IAPP: variants seen among roughly 807,000 people sequenced by gnomAD.
IAPP encodes Islet amyloid polypeptide (diabetes-associated peptide; amylin).
IAPP carries 4 observed loss-of-function variants against 2.9 expected under a neutral mutation model. The ratio of observed to expected loss-of-function variants is 1.39; its 90% confidence interval spans 0.69 to 3.19. The LOEUF (loss-of-function observed/expected upper bound fraction) is 3.19. IAPP is among the 30% of genes most tolerant of loss of function. The pLI, the probability that IAPP is intolerant of heterozygous loss-of-function variation, is 0.01. For synonymous variants in IAPP, 40 were observed against 42.1 expected (o/e 0.95, Z 0.19); for missense variants, 114 against 105.3 (o/e 1.08, Z -0.36).
chr12:21,363,402 A>G (rs1939095741), intron 1 of IAPP, among the ~76,000 whole-genome samples: 2 of 152,324 alleles, frequency 1.3e-5, no homozygotes, highest in East Asian at 1.9e-4. Flanking sequence ...AGCTGTATGT[A>G]GAGGGAAATT....
At chr12:21,370,050 A>T (rs981723097), upstream of IAPP, among the ~76,000 whole-genome samples, 4 of 152,194 alleles carry the variant, frequency 2.6e-5, no homozygotes, top group African/African-American at 7.2e-5. Context: ...AACTTAGAGA[A>T]AGCAATTAGC....
At chr12:21,377,544 A>G (rs1565522872) in intron 2 of IAPP, among the ~76,000 whole-genome samples, 1 of 152,144 alleles carries the variant, frequency 6.6e-6, no homozygotes, top group Admixed American at 6.5e-5. Flanking sequence ...TGTACACCCA[A>G]TGGTTAGTAA....
At chr12:21,355,970 A>C (rs965275265) in intron 1 of IAPP, among the ~76,000 whole-genome samples, 9 of 152,168 alleles carry the variant, frequency 5.9e-5, no homozygotes, top group African/African-American at 2.2e-4. Flanking sequence ...AGCATATCAG[A>C]TACAGATGAA....
chr12:21,362,464 A>G (rs1400649355), intron 1 of IAPP, among the ~76,000 whole-genome samples: 1 of 152,204 alleles, frequency 6.6e-6, no homozygotes, highest in Non-Finnish European at 1.5e-5. Flanking sequence ...TGTAAAGACC[A>G]TTGGTACTAG....
chr12:21,356,137 G>A (rs1233448427), intron 1 of IAPP, among the ~76,000 whole-genome samples: 2 of 152,020 alleles, frequency 1.3e-5, no homozygotes, highest in Non-Finnish European at 2.9e-5. Context: ...CTAGCGCTGT[G>A]ACTTTGAGTA....
upstream of IAPP, among the ~76,000 whole-genome samples, chr12:21,369,264 A>G (rs532332865): frequency 1.3e-5 from 2 of 152,166 alleles, no homozygotes; most frequent in East Asian, 3.9e-4. Context: ...TATTCATGTC[A>G]TTGTCAAAGC....
chr12:21,357,992 G>A (rs963169542), intron 1 of IAPP, among the ~76,000 whole-genome samples: 2 of 152,140 alleles, frequency 1.3e-5, no homozygotes, highest in Non-Finnish European at 2.9e-5. Flanking sequence ...TCAGACTTTG[G>A]TGGGTGGGTG....
At chr12:21,374,043 T>C (rs1376688720) in intron 2 of IAPP, among the ~76,000 whole-genome samples, 2 of 152,186 alleles carry the variant, frequency 1.3e-5, no homozygotes, top group Non-Finnish European at 2.9e-5. Context: ...TTATAAAAAG[T>C]TATTCTTCTT....
chr12:21,362,824 C>A (rs1157834540), intron 1 of IAPP, among the ~76,000 whole-genome samples: 4 of 152,180 alleles, frequency 2.6e-5, no homozygotes, highest in Non-Finnish European at 5.9e-5. Flanking sequence ...GTAACAGGAT[C>A]AATTCAACAA....
chr12:21,372,687 T>G (rs535287008), upstream of IAPP, among the ~76,000 whole-genome samples: 10 of 152,350 alleles, frequency 6.6e-5, no homozygotes, highest in South Asian at 1.0e-3. Flanking sequence ...CTGCTGTGTA[T>G]GACACACCAT....
chr12:21,360,385 C>T (rs7959833), intron 1 of IAPP, among the ~76,000 whole-genome samples: 7,854 of 152,270 alleles, frequency 0.052, 285 homozygotes, highest in Non-Finnish European at 0.079. Flanking sequence ...TAAGGATCAT[C>T]AGATATTTAA....
At chr12:21,361,251 G>A (rs146643669) in intron 1 of IAPP, among the ~76,000 whole-genome samples, 113 of 152,312 alleles carry the variant, frequency 7.4e-4, no homozygotes, top group African/African-American at 2.5e-3. Context: ...TTCAGCCTCC[G>A]CTGGTGATAC....
At chr12:21,368,196 AT>A (rs1283196911), upstream of IAPP, among the ~76,000 whole-genome samples, 1 of 152,154 alleles carries the variant, frequency 6.6e-6, no homozygotes, top group African/African-American at 2.4e-5. Flanking sequence ...CGTGAGACAT[AT>A]TCTTACCAAA....
chr12:21,363,910 C>A (rs1044998545), intron 1 of IAPP, among the ~76,000 whole-genome samples: 3 of 151,998 alleles, frequency 2.0e-5, no homozygotes, highest in Non-Finnish European at 4.4e-5. Context: ...AATTAATAGC[C>A]TACCAACCAA....
chr12:21,373,309 G>T, intron 1 of IAPP, 28 bp from the exon 2 acceptor site: 1 of 1,293,498 alleles, frequency 7.7e-7, no homozygotes, highest in Non-Finnish European at 1.1e-6. Context: ...GAAATCTCTT[G>T]ATTTCAGTGC....
At chr12:21,363,178 A>G (rs1165863704) in intron 1 of IAPP, among the ~76,000 whole-genome samples, 3 of 152,206 alleles carry the variant, frequency 2.0e-5, no homozygotes, top group African/African-American at 7.2e-5. Context: ...AAAAGAACAG[A>G]AATTATAACA....
chr12:21,358,806 A>C (rs2137037718), intron 1 of IAPP, among the ~76,000 whole-genome samples: 1 of 152,318 alleles, frequency 6.6e-6, no homozygotes, highest in South Asian at 2.1e-4. Context: ...CTAATACATA[A>C]GTCTAAATAC....
intron 1 of IAPP, among the ~76,000 whole-genome samples, chr12:21,363,864 G>C (rs1047998686): frequency 6.6e-6 from 1 of 152,090 alleles, no homozygotes; most frequent in African/African-American, 2.4e-5. Flanking sequence ...CTGAATCCCT[G>C]AATAGACCAA....
chr12:21,358,477 C>T, intron 1 of IAPP, among the ~76,000 whole-genome samples: 1 of 152,070 alleles, frequency 6.6e-6, no homozygotes, highest in African/African-American at 2.4e-5. Context: ...TTAAAAATGC[C>T]TAGAGAAATG....
Sources: allele counts gnomAD v4.1 joint callset (sites outside exome capture counted in the v4.1 genomes callset), GRCh38; gene constraint gnomAD v4.1.1; transcripts MANE v1.5; gene names NCBI Gene and HGNC (gene_info 2026-07-23, HGNC 2026-07-21).